The following PTGIS variants were observed in gnomAD, a reference collection of about 807,000 sequenced individuals.
The protein encoded by PTGIS is prostaglandin I2 synthase, also known as prostacyclin synthase.
PTGIS carries 45 observed loss-of-function variants against 50.3 expected under a neutral mutation model. That is an observed-to-expected ratio of 0.90 (90% CI 0.70 to 1.15). The LOEUF (loss-of-function observed/expected upper bound fraction) is 1.15. Ranked by LOEUF, PTGIS falls within the 50% of genes most tolerant of loss-of-function variation. The pLI is 0.00. For synonymous variants in PTGIS, 260 were observed against 267.7 expected (o/e 0.97, Z 0.28); for missense variants, 668 against 661.3 (o/e 1.01, Z -0.11).
intron 9 of PTGIS, 98 bp from the exon 10 acceptor site, chr20:49,508,162 T>C: frequency 7.1e-7 from 1 of 1,409,840 alleles, no homozygotes; most frequent in Non-Finnish European, 9.9e-7. Context: ...TAAGTCTGAC[T>C]CCAACTTTGA....
chr20:49,535,212 T>C (rs908659426), intron 5 of PTGIS, among the ~76,000 whole-genome samples: 1 of 152,226 alleles, frequency 6.6e-6, no homozygotes, highest in Non-Finnish European at 1.5e-5. Context: ...AATGGAAAGA[T>C]TGATGGCATC....
rs1403662246 is a variant in PTGIS, at chr20:49,507,406, T to C, written c.*514A>G. 1.4e-5 allele frequency: 3 copies of C among 215,940 alleles called. No individual in the cohort carries two copies. The East Asian group carries it at 3.4e-4, about 25-fold the overall frequency. 13.4% of individuals were successfully genotyped at this position (215,940 alleles called of 1,614,324 possible). ...TGGGGCCCCAGGGAAGCAGATCTTC[T>C]AAGGGACTCCTTTGGTTTTAGCTAG... On this transcript the variant is annotated 3_prime_UTR_variant, in exon 10 of 10. Transcript: ENST00000244043.
At chr20:49,522,899 C>T (rs1981688700) in intron 6 of PTGIS, among the ~76,000 whole-genome samples, 2 of 152,086 alleles carry the variant, frequency 1.3e-5, no homozygotes, top group African/African-American at 2.4e-5. Flanking sequence ...TGGCATGCGC[C>T]TGTAGTCCCA....
At chr20:49,508,216 C>T in intron 9 of PTGIS, 152 bp from the exon 10 acceptor site, 1 of 951,312 alleles carries the variant, frequency 1.1e-6, no homozygotes, top group Non-Finnish European at 1.6e-6. Context: ...AACGCATTTG[C>T]TGCTCACCAC....
chr20:49,523,733 C>T (rs761054873), intron 6 of PTGIS, among the ~76,000 whole-genome samples: 6 of 151,828 alleles, frequency 4.0e-5, no homozygotes, highest in Non-Finnish European at 7.4e-5. Context: ...GAGCTGAGAT[C>T]GAGCCACTGC....
At chr20:49,539,510 G>C in intron 5 of PTGIS, 60 bp downstream of exon 5, 1 of 1,567,318 alleles carries the variant, frequency 6.4e-7, no homozygotes, top group Non-Finnish European at 8.7e-7. Context: ...CTTGAATTGG[G>C]CTCCCCCTCT....
chr20:49,525,382 T>A, intron 5 of PTGIS, among the ~76,000 whole-genome samples: 1 of 152,292 alleles, frequency 6.6e-6, no homozygotes, highest in East Asian at 1.9e-4. Context: ...TCTCTGAAGG[T>A]CAACTTTGGC....
Position 49,506,706 on chromosome 20 carries a change from G to A in PTGIS, c.*1214C>T, listed in dbSNP as rs1601173883. The A allele has an allele frequency of 6.6e-6, 1 of 152,344 alleles. No homozygotes were observed. The highest frequency in any genetic ancestry group is 1.9e-4 in the East Asian group (1 of 5,190). 9.4% of individuals were successfully genotyped at this position (152,344 alleles called of 1,614,324 possible). Reference sequence around the variant, plus strand: ...CATCACTGATACATTTGTTCAAAGGGTGGTGCACTCAGGCTGGGTTGGACC... The same window carrying A: ...CATCACTGATACATTTGTTCAAAGGATGGTGCACTCAGGCTGGGTTGGACC... On this transcript the variant is annotated 3_prime_UTR_variant, in exon 10 of 10. Transcript: ENST00000244043.
At chr20:49,561,666 T>A (rs59374853) in intron 1 of PTGIS, among the ~76,000 whole-genome samples, 2,007 of 152,240 alleles carry the variant, frequency 0.013, 42 homozygotes, top group African/African-American at 0.046. Context: ...TGGCTTCAAA[T>A]CCCAGCCACG....
intron 2 of PTGIS, among the ~76,000 whole-genome samples, chr20:49,548,509 A>C (rs550779568): frequency 2.6e-5 from 4 of 151,666 alleles, no homozygotes; most frequent in Non-Finnish European, 5.9e-5. Context: ...GATGGAAGGA[A>C]GGATGGATGG....
At chr20:49,517,181 C>T (rs1038511131) in intron 6 of PTGIS, among the ~76,000 whole-genome samples, 2 of 152,254 alleles carry the variant, frequency 1.3e-5, no homozygotes, top group African/African-American at 4.8e-5. Context: ...TCCACCAGCA[C>T]CTCAGGTCCA....
intron 1 of PTGIS, among the ~76,000 whole-genome samples, chr20:49,562,369 C>G (rs1012487307): frequency 6.6e-6 from 1 of 152,244 alleles, no homozygotes; most frequent in Admixed American, 6.5e-5. Context: ...TTTCCTCTTT[C>G]CCCAGAAAAG....
rs374524770 is a variant in PTGIS at position 49,504,336 on chromosome 20, T to C, written c.*3584A>G. 1.1e-4 allele frequency: 17 copies of C among 152,372 alleles called. No homozygotes were observed. Among genetic ancestry groups the C allele is most frequent in the African/African-American group, 3.6e-4 (15 of 41,584 alleles). 9.4% of individuals were successfully genotyped at this position (152,372 alleles called of 1,614,324 possible). A position where few individuals can be genotyped will look rare whatever the true frequency, so the allele number is the denominator to read the frequency against. ...TATTTTTCATGGTCACTTTCTATTT[T>C]TGGCAGTGAGTGATACATGTTATCC... On this transcript the variant is annotated 3_prime_UTR_variant, in exon 10 of 10. Transcript: ENST00000244043.
chr20:49,551,806 TTGTGTGTGTGTGTGTGTGTGTGTGTG>T (rs58517059), intron 1 of PTGIS, among the ~76,000 whole-genome samples: 1 of 142,578 alleles, frequency 7.0e-6, no homozygotes, highest in African/African-American at 2.5e-5. Flanking sequence ...GTGTATGTGT[TTGTGTGTGTGTGTGTGTGTGTGTGTG>T]TGTGTGTGTG....
intron 5 of PTGIS, among the ~76,000 whole-genome samples, chr20:49,536,995 C>A (rs1315011066): frequency 6.6e-6 from 1 of 152,156 alleles, no homozygotes; most frequent in Non-Finnish European, 1.5e-5. Context: ...GGAACTGGGG[C>A]AAGTAGAAGT....
intron 1 of PTGIS, among the ~76,000 whole-genome samples, chr20:49,550,419 T>G (rs906343347): frequency 6.6e-6 from 1 of 152,122 alleles, no homozygotes; most frequent in African/African-American, 2.4e-5. Flanking sequence ...ACCCTCAGAG[T>G]CATCTTTGAA....
chr20:49,560,612 G>C (rs1394013480), intron 1 of PTGIS, among the ~76,000 whole-genome samples: 1 of 152,346 alleles, frequency 6.6e-6, no homozygotes, highest in East Asian at 1.9e-4. Flanking sequence ...GTCAAGGAGG[G>C]CCTCCTCAGG....
At position 49,544,293 on chromosome 20, in the gene PTGIS, G is replaced by A. The variant is rs1194991319; in HGVS notation, c.521+12C>T. The A allele has an allele frequency of 6.2e-7, 1 of 1,613,886 alleles. No homozygotes were observed. The highest frequency in any genetic ancestry group is 8.5e-7 in the Non-Finnish European group (1 of 1,179,952). ...GGGCCCCAGCAGGAGGGTGGGGGCTGCACAGCCTCACCTGAGCAGGAAGCT... is the reference window on the plus strand; with the variant it reads ...GGGCCCCAGCAGGAGGGTGGGGGCTACACAGCCTCACCTGAGCAGGAAGCT... On this transcript the variant is annotated intron_variant, in intron 4 of 9. Coordinates refer to ENST00000244043, the MANE Select transcript of PTGIS (RefSeq NM_000961.4).
chr20:49,525,860 G>A (rs1981783142), intron 5 of PTGIS, among the ~76,000 whole-genome samples: 1 of 151,988 alleles, frequency 6.6e-6, no homozygotes, highest in Non-Finnish European at 1.5e-5. Flanking sequence ...TCTAAACCTG[G>A]CTGCACCTCA....
Sources: gnomAD v4.1 joint callset for allele counts (sites outside exome capture counted in the v4.1 genomes callset) on GRCh38, gnomAD v4.1.1 for gene constraint, MANE v1.5 for transcripts, NCBI Gene and HGNC (gene_info 2026-07-23, HGNC 2026-07-21) for gene names.